PARVA: variants seen among roughly 807,000 people sequenced by gnomAD.
The protein encoded by PARVA is alpha-parvin.
PARVA carries 25 observed loss-of-function variants against 52.6 expected under a neutral mutation model. That is an observed-to-expected ratio of 0.48 (90% CI 0.35 to 0.66). The LOEUF is 0.66. Among genes scored for constraint, PARVA ranks in the 30% least tolerant of loss-of-function variants. PARVA has a pLI of 0.01. For missense variants in PARVA, 373 were observed against 450.9 expected (o/e 0.83, Z 1.56); for synonymous variants, 185 against 179.1 (o/e 1.03, Z -0.26).
chr11:12,404,109 T>A (rs1374550888), intron 1 of PARVA, among the ~76,000 whole-genome samples: 4 of 152,136 alleles, frequency 2.6e-5, no homozygotes, highest in African/African-American at 9.7e-5. Context: ...TAGCTCTTTT[T>A]TTTTTTTTAA....
chr11:12,437,780 A>C (rs769997418), intron 1 of PARVA, among the ~76,000 whole-genome samples: 1 of 152,178 alleles, frequency 6.6e-6, no homozygotes, highest in Non-Finnish European at 1.5e-5. Flanking sequence ...CATGTGGGGA[A>C]TGTGCAGGGG....
At chr11:12,487,697 C>T (rs148067558) in intron 4 of PARVA, among the ~76,000 whole-genome samples, 1 of 152,264 alleles carries the variant, frequency 6.6e-6, no homozygotes, top group Non-Finnish European at 1.5e-5. Context: ...GTTATTTTCT[C>T]ATCTCAAACT....
chr11:12,443,230 G>A (rs1435269577), intron 1 of PARVA, among the ~76,000 whole-genome samples: 8 of 142,194 alleles, frequency 5.6e-5, no homozygotes, highest in African/African-American at 2.1e-4. Context: ...GGAGTGCAGT[G>A]GTGCAATCTC....
intron 1 of PARVA, among the ~76,000 whole-genome samples, chr11:12,405,501 C>T: frequency 6.6e-6 from 1 of 152,068 alleles, no homozygotes; most frequent in Non-Finnish European, 1.5e-5. Flanking sequence ...GAGGTCAAGG[C>T]TGCAGTGAGC....
chr11:12,461,604 T>G (rs923289053), intron 1 of PARVA, among the ~76,000 whole-genome samples: 1 of 152,226 alleles, frequency 6.6e-6, no homozygotes, highest in African/African-American at 2.4e-5. Context: ...CAACTCAAAT[T>G]GTTTCGACTG....
At position 12,528,003 on chromosome 11, in the gene PARVA, T is replaced by G. The variant is rs1381615695; in HGVS notation, c.*78T>G. 1.0e-6 allele frequency: 1 copy of G among 963,482 alleles called. No homozygotes were observed. Among genetic ancestry groups the G allele is most frequent in the East Asian group, 2.4e-5 (1 of 41,952 alleles). 59.7% of individuals were successfully genotyped at this position (963,482 alleles called of 1,614,324 possible). A position where few individuals can be genotyped will look rare whatever the true frequency, so the allele number is the denominator to read the frequency against. ...GACCCTCCTCCGAACTGCCTTACCC[T>G]GCTTATTCCTGTCTCTTGCACTGTG... On this transcript the variant is annotated 3_prime_UTR_variant, in exon 13 of 13. Transcript: ENST00000334956.
In PARVA at chr11:12,517,666, G is replaced by T; in HGVS notation, c.924G>T (p.Val308=). ...LLMGLLEGYF[V]PLHSFFLTPD... ...TGGGGCTCCTGGAGGGCTACTTTGT[G>T]CCCCTGCACAGCTTCTTCCTGACCC... Residue 308 remains valine (V), a synonymous_variant, in exon 11 of 13, where the codon GTG becomes GTT. Transcript: ENST00000334956. 1 of 1,605,938 alleles carries T rather than the reference G, an allele frequency of 6.2e-7. No individual in the cohort carries two copies. The highest frequency in any genetic ancestry group is 8.5e-7 in the Non-Finnish European group (1 of 1,176,136).
chr11:12,425,795 C>T (rs1237307407), intron 1 of PARVA, among the ~76,000 whole-genome samples: 6 of 152,156 alleles, frequency 3.9e-5, no homozygotes, highest in East Asian at 1.9e-4. Context: ...ATATGGCAGA[C>T]GTTAAGAAAT....
chr11:12,479,158 A>G (rs758816239), intron 4 of PARVA: 6 of 152,198 alleles, frequency 3.9e-5, no homozygotes, highest in Admixed American at 1.3e-4. Context: ...ACATGCCTGT[A>G]CCTTTGATCA....
At chr11:12,472,447 G>T (rs561974637) in intron 1 of PARVA, among the ~76,000 whole-genome samples, 1 of 141,544 alleles carries the variant, frequency 7.1e-6, no homozygotes, top group South Asian at 2.3e-4. Context: ...GTGGTGACTG[G>T]CTGGTACCCT....
At chr11:12,394,830 G>A (rs1939713455) in intron 1 of PARVA, among the ~76,000 whole-genome samples, 1 of 152,192 alleles carries the variant, frequency 6.6e-6, no homozygotes, top group African/African-American at 2.4e-5. Context: ...GGTGGCTCAA[G>A]CCTGTAATTC....
chr11:12,494,583 T>G (rs1941273726), intron 4 of PARVA, among the ~76,000 whole-genome samples: 1 of 151,858 alleles, frequency 6.6e-6, no homozygotes. Context: ...AGTTACAAGG[T>G]TTTTAGAAGC....
At chr11:12,403,026 G>A (rs1939851605) in intron 1 of PARVA, among the ~76,000 whole-genome samples, 1 of 152,168 alleles carries the variant, frequency 6.6e-6, no homozygotes, top group Admixed American at 6.6e-5. Context: ...TTAAATCTTG[G>A]TACTAAAGCA....
At chr11:12,408,182 A>C (rs12792611) in intron 1 of PARVA, among the ~76,000 whole-genome samples, 41,931 of 151,746 alleles carry the variant, frequency 0.28, 6,654 homozygotes, top group East Asian at 0.44. Context: ...CCAGCCACTG[A>C]GACCCCATTG....
At chr11:12,491,516 G>A (rs1412752786) in intron 4 of PARVA, among the ~76,000 whole-genome samples, 1 of 152,102 alleles carries the variant, frequency 6.6e-6, no homozygotes, top group Non-Finnish European at 1.5e-5. Flanking sequence ...AAAGAAAAAG[G>A]GTGGAAATAA....
chr11:12,507,099 C>T (rs1941439871), intron 6 of PARVA, among the ~76,000 whole-genome samples: 2 of 151,778 alleles, frequency 1.3e-5, no homozygotes, highest in African/African-American at 2.4e-5. Flanking sequence ...TTTGATTAGT[C>T]CATTCTTAAT....
At chr11:12,426,771 G>C (rs575128651) in intron 1 of PARVA, among the ~76,000 whole-genome samples, 6 of 152,094 alleles carry the variant, frequency 3.9e-5, no homozygotes, top group Non-Finnish European at 7.4e-5. Context: ...ACCACCACAA[G>C]ATTACTTGGC....
chr11:12,514,665 T>A (rs949050497), intron 10 of PARVA, among the ~76,000 whole-genome samples: 8 of 152,142 alleles, frequency 5.3e-5, no homozygotes, highest in Admixed American at 5.2e-4. Flanking sequence ...TTTTTTGTAT[T>A]TAGTAGAGAC....
intron 1 of PARVA, among the ~76,000 whole-genome samples, chr11:12,403,895 CTG>C (rs1284639024): frequency 1.3e-5 from 2 of 152,212 alleles, no homozygotes. Flanking sequence ...TCAGAGAGAA[CTG>C]TGATTTTTAA....
Sources: gnomAD v4.1 joint callset for allele counts (sites outside exome capture counted in the v4.1 genomes callset) on GRCh38, gnomAD v4.1.1 for gene constraint, MANE v1.5 for transcripts, NCBI Gene and HGNC (gene_info 2026-07-23, HGNC 2026-07-21) for gene names.